ETFA: variants seen among roughly 807,000 people sequenced by gnomAD.
ETFA encodes electron transfer flavoprotein subunit alpha, also known as electron transfer flavoprotein subunit alpha, mitochondrial.
A neutral mutation model predicts 46.2 loss-of-function variants in ETFA; 22 were observed. That is an observed-to-expected ratio of 0.48 (90% CI 0.34 to 0.68). ETFA has a LOEUF of 0.68. Among genes scored for constraint, ETFA ranks in the 30% least tolerant of loss-of-function variants. The pLI is 0.01. For missense variants in ETFA, 345 were observed against 401.1 expected (o/e 0.86, Z 1.19); for synonymous variants, 131 against 139.9 (o/e 0.94, Z 0.45).
intron 1 of ETFA, among the ~76,000 whole-genome samples, chr15:76,305,412 G>A (rs1022358866): frequency 1.3e-5 from 2 of 152,160 alleles, no homozygotes; most frequent in Non-Finnish European, 2.9e-5. Context: ...TTTCCTCATT[G>A]ATAATGTAAT....
At chr15:76,250,252 T>C (rs1250749607) in intron 9 of ETFA, among the ~76,000 whole-genome samples, 1 of 152,046 alleles carries the variant, frequency 6.6e-6, no homozygotes, top group African/African-American at 2.4e-5. Flanking sequence ...ATATAGGACA[T>C]TACTAATGAT....
intron 9 of ETFA, among the ~76,000 whole-genome samples, chr15:76,250,202 T>A (rs984612700): frequency 7.3e-6 from 1 of 137,196 alleles, no homozygotes; most frequent in Non-Finnish European, 1.6e-5. Flanking sequence ...AAGATGAACC[T>A]CACAAATGTA....
intron 9 of ETFA, among the ~76,000 whole-genome samples, chr15:76,267,657 C>T (rs908688342): frequency 6.6e-6 from 1 of 152,166 alleles, no homozygotes. Flanking sequence ...TAAAAACTCA[C>T]ATACAAAAGG....
intron 1 of ETFA, among the ~76,000 whole-genome samples, chr15:76,303,348 C>A (rs780183138): frequency 3.3e-5 from 5 of 151,906 alleles, no homozygotes; most frequent in Non-Finnish European, 7.4e-5. Flanking sequence ...TGTAAGACCT[C>A]GAACTATAAA....
At position 76,311,339 on chromosome 15, in the gene ETFA, T is replaced by C. The variant is rs1462448768; in HGVS notation, c.39+11A>G. The C allele has an allele frequency of 1.8e-5, 28 of 1,555,574 alleles. No individual in the cohort carries two copies. Among genetic ancestry groups the C allele is most frequent in the Non-Finnish European group, 2.3e-5 (27 of 1,150,266 alleles). On this transcript the variant is annotated intron_variant, in intron 1 of 11. Transcript: ENST00000557943. ...GCCGTCCCTGGGTTCGCCTTCCCAG[T>C]CCGGACTCACCGCCCGCCGGAGCTG...
intron 8 of ETFA, among the ~76,000 whole-genome samples, chr15:76,283,337 A>G (rs2039673580): frequency 6.6e-6 from 1 of 152,120 alleles, no homozygotes; most frequent in Non-Finnish European, 1.5e-5. Context: ...GACTACAAGC[A>G]CACACCAATA....
intron 10 of ETFA, 41 bp downstream of exon 10, chr15:76,231,292 T>C (rs2039063737): frequency 7.7e-7 from 1 of 1,294,744 alleles, no homozygotes; most frequent in Non-Finnish European, 1.1e-6. Flanking sequence ...AATCCTAAAA[T>C]GTGGAAACGT....
At chr15:76,271,722 A>G (rs1001277371) in intron 9 of ETFA, among the ~76,000 whole-genome samples, 10 of 152,192 alleles carry the variant, frequency 6.6e-5, no homozygotes, top group Non-Finnish European at 8.8e-5. Flanking sequence ...TATATAACCT[A>G]TTTGGGGATG....
At chr15:76,282,071 T>C (rs2039659809) in intron 8 of ETFA, among the ~76,000 whole-genome samples, 1 of 151,870 alleles carries the variant, frequency 6.6e-6, no homozygotes, top group South Asian at 2.1e-4. Context: ...ATCAAACTAA[T>C]TTTTATATTT....
rs114912962 is a variant in ETFA, at chr15:76,283,507, A to G, written c.733+250T>C. ...GCGCCTGGCCCATTTCATTATTTTT[A>G]AAGTGAAGAAAAAAGAAAACCTACT... On this transcript the variant is annotated intron_variant, in intron 8 of 11. Transcript: ENST00000557943. Among the ~76,000 whole-genome samples the G allele has an allele frequency of 5.1e-3, 771 of 152,260 alleles. 8 individuals are homozygous for G. The highest frequency in any genetic ancestry group is 0.018 in the African/African-American group (743 of 41,524).
intron 9 of ETFA, among the ~76,000 whole-genome samples, chr15:76,237,214 G>A (rs1392121032): frequency 1.3e-5 from 2 of 152,046 alleles, no homozygotes; most frequent in African/African-American, 2.4e-5. Flanking sequence ...CACCTCGCCC[G>A]GCTAATTTTT....
At chr15:76,256,453 T>C (rs1331998940) in intron 9 of ETFA, among the ~76,000 whole-genome samples, 1 of 152,156 alleles carries the variant, frequency 6.6e-6, no homozygotes, top group East Asian at 1.9e-4. Context: ...CAGGTACTTT[T>C]TTCATGAAAC....
chr15:76,241,435 T>C lies in ETFA; in HGVS notation c.817-10037A>G, dbSNP rs1195623025. Among the ~76,000 whole-genome samples, 5 of 150,616 alleles carry C rather than the reference T, an allele frequency of 3.3e-5. No homozygotes were observed. In the East Asian group the frequency reaches 9.8e-4, roughly 29 times the overall value. On this transcript the variant is annotated intron_variant, in intron 9 of 11. Coordinates refer to ENST00000557943, the MANE Select transcript of ETFA (RefSeq NM_000126.4). The stretch of plus-strand genomic sequence containing the variant: ...AGGAGGATCACTTGAGCCCAGGAGG[T>C]TGAAGCTGCAGTGAGATGTGATGGC...
At chr15:76,286,094 G>A (rs987305308) in intron 6 of ETFA, among the ~76,000 whole-genome samples, 1 of 152,114 alleles carries the variant, frequency 6.6e-6, no homozygotes, top group Non-Finnish European at 1.5e-5. Context: ...AATATAATAG[G>A]AAACAGTGAC....
intron 9 of ETFA, among the ~76,000 whole-genome samples, chr15:76,258,311 C>A (rs2039366757): frequency 6.6e-6 from 1 of 152,246 alleles, no homozygotes; most frequent in East Asian, 1.9e-4. Context: ...CTTGCTGGCT[C>A]AGCACGCTGC....
In ETFA at chr15:76,274,612, A is replaced by G. The variant is rs2039575097; in HGVS notation, c.734-118T>C. ...AGAATTCTAAGTACTAGTATATTTT[A>G]TACAGAAAGCTTCAAGGAATAACTT... On this transcript the variant is annotated intron_variant, in intron 8 of 11. Transcript: ENST00000557943. 22 of 849,074 alleles carry G rather than the reference A, an allele frequency of 2.6e-5. No individual in the cohort carries two copies. The South Asian group carries it at 3.0e-4, about 12-fold the overall frequency. 52.6% of individuals were successfully genotyped at this position (849,074 alleles called of 1,614,324 possible). A position where few individuals can be genotyped will look rare whatever the true frequency, so the allele number is the denominator to read the frequency against.
intron 9 of ETFA, chr15:76,258,969 T>A: frequency 6.3e-7 from 1 of 1,575,532 alleles, no homozygotes; most frequent in East Asian, 2.2e-5. Flanking sequence ...ATTGCCCTGA[T>A]GCCCTCTGCC....
intron 9 of ETFA, among the ~76,000 whole-genome samples, chr15:76,252,035 GT>G (rs1302202028): frequency 6.6e-6 from 1 of 152,102 alleles, no homozygotes; most frequent in East Asian, 1.9e-4. Flanking sequence ...CCATTAGTTT[GT>G]TTTTACGTTG....
At chr15:76,305,049 A>AAAAGAAAG (rs532586716) in intron 1 of ETFA, among the ~76,000 whole-genome samples, 2 of 150,564 alleles carry the variant, frequency 1.3e-5, no homozygotes, top group African/African-American at 5.0e-5. Context: ...TCAAAAAAAA[A>AAAAGAAAG]AAAGAAAGAA....
Sources: gnomAD v4.1 joint callset for allele counts (sites outside exome capture counted in the v4.1 genomes callset) on GRCh38, gnomAD v4.1.1 for gene constraint, MANE v1.5 for transcripts, NCBI Gene and HGNC (gene_info 2026-07-23, HGNC 2026-07-21) for gene names.